THSD4: variants seen among roughly 807,000 people sequenced by gnomAD.
THSD4 encodes the protein thrombospondin type 1 domain containing 4.
In THSD4, 69 loss-of-function variants were observed where a neutral mutation model predicts 119.0. That is an observed-to-expected ratio of 0.58 (90% CI 0.48 to 0.71). The LOEUF (loss-of-function observed/expected upper bound fraction) is 0.71, where lower values mean the gene tolerates loss of function less well. Among genes scored for constraint, THSD4 ranks in the 30% least tolerant of loss-of-function variants. The pLI is 0.00. For synonymous variants in THSD4, 524 were observed against 540.4 expected (o/e 0.97, Z 0.42); for missense variants, 1,393 against 1,391.1 (o/e 1.00, Z -0.02).
At chr15:71,250,927 TAAAA>T (rs1301966531) in intron 5 of THSD4, among the ~76,000 whole-genome samples, 2 of 151,400 alleles carry the variant, frequency 1.3e-5, no homozygotes, top group African/African-American at 2.4e-5. Context: ...ATGAAAAAAA[TAAAA>T]AAAGCATTTG....
At chr15:71,412,939 C>T (rs1021662808) in intron 7 of THSD4, among the ~76,000 whole-genome samples, 2 of 152,002 alleles carry the variant, frequency 1.3e-5, no homozygotes, top group Non-Finnish European at 2.9e-5. Flanking sequence ...CTGGGGTATC[C>T]GTCACCTCAA....
intron 16 of THSD4, 56 bp downstream of exon 16, chr15:71,765,255 C>A: frequency 6.4e-7 from 1 of 1,562,282 alleles, no homozygotes. Context: ...CCCACCTGAA[C>A]TCCTATAGAC....
intron 7 of THSD4, among the ~76,000 whole-genome samples, chr15:71,522,586 C>G (rs2140789468): frequency 6.6e-6 from 1 of 152,306 alleles, no homozygotes; most frequent in East Asian, 1.9e-4. Flanking sequence ...TTAAGTGCGA[C>G]CAATTCTGGA....
chr15:71,311,132 A>G (rs1039300467), intron 6 of THSD4, among the ~76,000 whole-genome samples: 28 of 152,202 alleles, frequency 1.8e-4, no homozygotes, highest in African/African-American at 6.0e-4. Flanking sequence ...CCTAATTTTA[A>G]CATTCCAAGA....
intron 6 of THSD4, among the ~76,000 whole-genome samples, chr15:71,295,700 G>A (rs2044853301): frequency 6.7e-6 from 1 of 149,904 alleles, no homozygotes; most frequent in African/African-American, 2.4e-5. Context: ...AAAAAAGCCA[G>A]CTCTATTGAG....
intron 7 of THSD4, among the ~76,000 whole-genome samples, chr15:71,605,214 C>A (rs2050086403): frequency 6.6e-6 from 1 of 152,170 alleles, no homozygotes; most frequent in Non-Finnish European, 1.5e-5. Flanking sequence ...AGGGACCAGA[C>A]CGTGCAGGGC....
chr15:71,625,258 T>G (rs1330887062), intron 7 of THSD4, among the ~76,000 whole-genome samples: 1 of 152,156 alleles, frequency 6.6e-6, no homozygotes, highest in Non-Finnish European at 1.5e-5. Context: ...TCCACCCGCC[T>G]TGGCCTCCCA....
At chr15:71,619,962 T>A (rs2050392023) in intron 7 of THSD4, among the ~76,000 whole-genome samples, 1 of 152,362 alleles carries the variant, frequency 6.6e-6, no homozygotes, top group South Asian at 2.1e-4. Flanking sequence ...CCTAGAAGAC[T>A]AGAGTTACAT....
chr15:71,466,143 A>C (rs1250178586), intron 7 of THSD4, among the ~76,000 whole-genome samples: 1 of 151,858 alleles, frequency 6.6e-6, no homozygotes, highest in Non-Finnish European at 1.5e-5. Context: ...AGGTCAGGAG[A>C]TCAAGACCAT....
chr15:71,547,449 C>A, intron 7 of THSD4: 4 of 1,550,446 alleles, frequency 2.6e-6, no homozygotes, highest in Non-Finnish European at 3.5e-6. Flanking sequence ...GCTCCACGTT[C>A]AAACAGCAGT....
At chr15:71,304,028 A>G (rs951556820) in intron 6 of THSD4, among the ~76,000 whole-genome samples, 2 of 152,212 alleles carry the variant, frequency 1.3e-5, no homozygotes, top group African/African-American at 2.4e-5. Context: ...AAGATAGAGC[A>G]CTAAGAGCTA....
chr15:71,312,413 T>C (rs542235161), intron 6 of THSD4, among the ~76,000 whole-genome samples: 56 of 152,094 alleles, frequency 3.7e-4, no homozygotes, highest in Non-Finnish European at 7.1e-4. Context: ...AATCTGACTA[T>C]TGTGCTTTTA....
chr15:71,415,140 C>T (rs766229443), intron 7 of THSD4, among the ~76,000 whole-genome samples: 1 of 152,214 alleles, frequency 6.6e-6, no homozygotes, highest in Non-Finnish European at 1.5e-5. Flanking sequence ...CACAAAGCCT[C>T]TCCTGGCCAC....
At chr15:71,358,362 CT>C (rs2140416145) in intron 6 of THSD4, among the ~76,000 whole-genome samples, 1 of 152,246 alleles carries the variant, frequency 6.6e-6, no homozygotes, top group East Asian at 1.9e-4. Flanking sequence ...CTGTTAGTAA[CT>C]GTATTTTAAT....
chr15:71,253,645 T>C (rs1164773442), intron 5 of THSD4, among the ~76,000 whole-genome samples: 1 of 152,150 alleles, frequency 6.6e-6, no homozygotes, highest in Non-Finnish European at 1.5e-5. Context: ...AGACCTCAAG[T>C]GATCCGTCTG....
At chr15:71,591,588 A>G (rs1400274358) in intron 7 of THSD4, among the ~76,000 whole-genome samples, 1 of 152,168 alleles carries the variant, frequency 6.6e-6, no homozygotes, top group Non-Finnish European at 1.5e-5. Context: ...GAGTTCAAGG[A>G]CAAACACCTG....
At chr15:71,546,840 A>T (rs2140849165) in intron 7 of THSD4, among the ~76,000 whole-genome samples, 1 of 152,338 alleles carries the variant, frequency 6.6e-6, no homozygotes, top group South Asian at 2.1e-4. Context: ...GGAACTCAGA[A>T]GTCATTCACC....
intron 7 of THSD4, among the ~76,000 whole-genome samples, chr15:71,612,857 T>C (rs1380662719): frequency 6.6e-6 from 1 of 152,246 alleles, no homozygotes; most frequent in East Asian, 1.9e-4. Context: ...GATTGCTAAC[T>C]ATGGCTAAAG....
chr15:71,369,908 C>T (rs542733983), intron 6 of THSD4, among the ~76,000 whole-genome samples: 23 of 152,198 alleles, frequency 1.5e-4, no homozygotes, highest in African/African-American at 5.5e-4. Flanking sequence ...TCCGTCTGGT[C>T]CTGGAGTTTT....
Sources: gnomAD v4.1 joint callset for allele counts (sites outside exome capture counted in the v4.1 genomes callset) on GRCh38, gnomAD v4.1.1 for gene constraint, MANE v1.5 for transcripts, NCBI Gene and HGNC (gene_info 2026-07-23, HGNC 2026-07-21) for gene names.